BBOX1: variants seen among roughly 807,000 people sequenced by gnomAD.
The protein encoded by BBOX1 is gamma-butyrobetaine dioxygenase.
In BBOX1, 35 loss-of-function variants were observed where a neutral mutation model predicts 41.6. The observed-to-expected ratio is 0.84, with a 90% CI of 0.64 to 1.11. The LOEUF (loss-of-function observed/expected upper bound fraction) is 1.11, where lower values mean the gene tolerates loss of function less well. BBOX1 is among the 50% of genes most tolerant of loss of function. The pLI, the probability that BBOX1 is intolerant of heterozygous loss-of-function variation, is 0.00. For missense variants in BBOX1, 458 were observed against 460.6 expected (o/e 0.99, Z 0.05); for synonymous variants, 163 against 154.7 (o/e 1.05, Z -0.40).
In BBOX1 at chr11:27,093,187, A is replaced by T; in HGVS notation, c.354A>T (p.Ser118=). 6.2e-7 allele frequency: 1 copy of T among 1,612,234 alleles called. No individual in the cohort carries two copies. The highest frequency in any genetic ancestry group is 8.5e-7 in the Non-Finnish European group (1 of 1,178,826). The part of the protein sequence containing the change: ...LFFPECQYWG[S]ELQLPTLDFE... ...TCACAGAATGCCAATACTGGGGCTC[A>T]GAGCTCCAGCTACCCACTTTGGATT... The change falls in exon 5 of 9, where the codon TCA becomes TCT. Residue 118 remains serine (S), a synonymous_variant. Transcript: ENST00000263182.
intron 4 of BBOX1, among the ~76,000 whole-genome samples, chr11:27,067,828 A>G (rs1006918662): frequency 1.3e-5 from 2 of 152,104 alleles, no homozygotes; most frequent in African/African-American, 4.8e-5. Flanking sequence ...GAGGACATAC[A>G]GTATTTGGTT....
At chr11:27,048,749 C>CTTTTTTTTT (rs35376713) in intron 2 of BBOX1, among the ~76,000 whole-genome samples, 1 of 133,000 alleles carries the variant, frequency 7.5e-6, no homozygotes, top group African/African-American at 2.8e-5. Context: ...AATGGTAGTT[C>CTTTTTTTTT]TTTTTTTTTT....
At chr11:27,099,531 T>G (rs1207683012) in intron 5 of BBOX1, among the ~76,000 whole-genome samples, 1 of 151,986 alleles carries the variant, frequency 6.6e-6, no homozygotes, top group Non-Finnish European at 1.5e-5. Flanking sequence ...GGCCACAAGT[T>G]TATAGTAGAA....
At position 27,093,242 on chromosome 11, in the gene BBOX1, G is replaced by A. The variant is rs767052437; in HGVS notation, c.409G>A (p.Ala137Thr). ...FEDVLRYDEH[A>T]YKWLSTLKKV... ...AGATGTTTTAAGATATGATGAACAC[G>A]CATACAAGTGGCTCTCCACCCTCAA... The change falls in exon 5 of 9, where the codon GCA (alanine) becomes ACA (threonine). Residue 137 changes from alanine to threonine, a missense_variant. By Grantham distance (58) the Ala-to-Thr change is moderately conservative. Coordinates refer to ENST00000263182, the MANE Select transcript of BBOX1 (RefSeq NM_003986.3). 15 of 1,612,248 alleles carry A rather than the reference G, an allele frequency of 9.3e-6. No individual in the cohort carries two copies. The highest frequency in any genetic ancestry group is 5.5e-5 in the South Asian group (5 of 91,032).
chr11:27,094,617 A>G (rs985653143), intron 5 of BBOX1, among the ~76,000 whole-genome samples: 3 of 152,062 alleles, frequency 2.0e-5, no homozygotes, highest in Middle Eastern at 3.4e-3. Context: ...AGTTTGCCAG[A>G]ATCCTCCACG....
rs757850970 is a variant in BBOX1, at chr11:27,093,324, A to C, written c.491A>C (p.Lys164Thr). The change falls in exon 5 of 9, where the codon AAA becomes ACA. Residue 164 changes from lysine to threonine, a missense_variant. Transcript: ENST00000263182. Reference protein sequence around the residue: ...GASDKPGEVSKLGKRMGFLYL... With the variant: ...GASDKPGEVSTLGKRMGFLYL... ...TCTGACAAACCAGGAGAAGTTTCAAAACTTGGGAAAAGGATGGGTTTCCTC... is the reference window on the plus strand; with the variant it reads ...TCTGACAAACCAGGAGAAGTTTCAACACTTGGGAAAAGGATGGGTTTCCTC... 6.2e-7 allele frequency: 1 copy of C among 1,612,440 alleles called. No individual in the cohort carries two copies. Among genetic ancestry groups the C allele is most frequent in the South Asian group, 1.1e-5 (1 of 91,044 alleles).
In BBOX1 at chr11:27,093,234, A is replaced by C. The variant is rs1858314818; in HGVS notation, c.401A>C (p.Asp134Ala). Residue 134 changes from aspartate to alanine, a missense_variant, in exon 5 of 9, where the codon GAT becomes GCT. Asp to Ala is a moderately radical substitution (Grantham distance 126). Transcript: ENST00000263182. The part of the protein sequence containing the change: ...TLDFEDVLRY[D>A]EHAYKWLSTL... ...GATTTTGAAGATGTTTTAAGATATGATGAACACGCATACAAGTGGCTCTCC... is the reference window on the plus strand; with the variant it reads ...GATTTTGAAGATGTTTTAAGATATGCTGAACACGCATACAAGTGGCTCTCC... 1 of 1,612,498 alleles carries C rather than the reference A, an allele frequency of 6.2e-7. No homozygotes were observed. Among genetic ancestry groups the C allele is most frequent in the African/African-American group, 1.3e-5 (1 of 74,898 alleles).
chr11:27,124,833 T>C (rs991874123), intron 7 of BBOX1, among the ~76,000 whole-genome samples: 2 of 152,200 alleles, frequency 1.3e-5, no homozygotes, highest in Non-Finnish European at 2.9e-5. Flanking sequence ...CTTCTTTCTT[T>C]ATATTAAATG....
intron 4 of BBOX1, among the ~76,000 whole-genome samples, chr11:27,090,327 A>G (rs1858199251): frequency 6.6e-6 from 1 of 151,980 alleles, no homozygotes; most frequent in African/African-American, 2.4e-5. Context: ...TGGGGGTGAC[A>G]TCGCATATCA....
rs1859712701 is a variant in BBOX1, at chr11:27,127,573, A to T, written c.*120A>T. 15 of 1,145,230 alleles carry T rather than the reference A, an allele frequency of 1.3e-5. No homozygotes were observed. The highest frequency in any genetic ancestry group is 1.7e-5 in the Non-Finnish European group (14 of 822,806). 70.9% of individuals were successfully genotyped at this position (1,145,230 alleles called of 1,614,324 possible). A position where few individuals can be genotyped will look rare whatever the true frequency, so the allele number is the denominator to read the frequency against. On this transcript the variant is annotated 3_prime_UTR_variant, in exon 9 of 9. Coordinates refer to ENST00000263182, the MANE Select transcript of BBOX1 (RefSeq NM_003986.3). ...TAATTTCCTTAACAATGAACATGTA[A>T]CTTCTCTCACAAGAGTACTCTTTAC...
At chr11:27,073,336 G>A (rs1212132877) in intron 4 of BBOX1, among the ~76,000 whole-genome samples, 1 of 152,178 alleles carries the variant, frequency 6.6e-6, no homozygotes, top group East Asian at 1.9e-4. Flanking sequence ...GGCCATCAGA[G>A]AAATGCAAAT....
At chr11:27,091,726 C>A (rs191200412) in intron 4 of BBOX1, among the ~76,000 whole-genome samples, 97 of 152,042 alleles carry the variant, frequency 6.4e-4, no homozygotes, top group African/African-American at 2.2e-3. Context: ...GATTCAGAAC[C>A]AGTGGCTGGA....
intron 5 of BBOX1, among the ~76,000 whole-genome samples, chr11:27,093,929 T>C (rs1053741608): frequency 6.6e-6 from 1 of 152,058 alleles, no homozygotes; most frequent in East Asian, 1.9e-4. Flanking sequence ...TGGGGGGACA[T>C]AATTTATTCC....
chr11:27,089,424 C>T (rs1454180830), intron 4 of BBOX1, among the ~76,000 whole-genome samples: 2 of 151,910 alleles, frequency 1.3e-5, no homozygotes, highest in African/African-American at 4.8e-5. Flanking sequence ...AATAAATGCT[C>T]ATATATAAAT....
intron 8 of BBOX1, among the ~76,000 whole-genome samples, chr11:27,126,055 C>T (rs552909342): frequency 6.6e-6 from 1 of 152,290 alleles, no homozygotes; most frequent in South Asian, 2.1e-4. Flanking sequence ...CTTACTCTAA[C>T]ACACACAAGT....
At chr11:27,099,104 T>C (rs531738661) in intron 5 of BBOX1, among the ~76,000 whole-genome samples, 8 of 151,864 alleles carry the variant, frequency 5.3e-5, no homozygotes, top group Admixed American at 2.0e-4. Flanking sequence ...TTTGACAACA[T>C]TGTCAAAATT....
chr11:27,057,063 T>TAAAAAAAAAAAAAAAAAAAAA lies in BBOX1; in HGVS notation c.220-138_220-137insAAAAAAAAAAAAAAAAAAAAA, dbSNP rs1459422645. 914 of 149,286 alleles carry TAAAAAAAAAAAAAAAAAAAAA rather than the reference T, an allele frequency of 6.1e-3. 314 individuals are homozygous for TAAAAAAAAAAAAAAAAAAAAA. The highest frequency in any genetic ancestry group is 0.013 in the Admixed American group (71 of 5,270). The allele number at this position is 149,286 out of a possible 1,614,324, so 9.2% of individuals were successfully genotyped here. A position where few individuals can be genotyped will look rare whatever the true frequency, so the allele number is the denominator to read the frequency against. On this transcript the variant is annotated intron_variant, in intron 3 of 8. Coordinates refer to ENST00000263182, the MANE Select transcript of BBOX1 (RefSeq NM_003986.3). ...CCTGGCAACAGAGGAAGACTCCGAC[T>TAAAAAAAAAAAAAAAAAAAAA]TAAAAAAAAAAAAAAAAAAAAATTA...
At chr11:27,102,362 T>C (rs983213077) in intron 5 of BBOX1, among the ~76,000 whole-genome samples, 1 of 152,052 alleles carries the variant, frequency 6.6e-6, no homozygotes, top group African/African-American at 2.4e-5. Flanking sequence ...AATAAATGTA[T>C]AGCTTAATGA....
At chr11:27,042,540 G>T (rs1308527412) in intron 2 of BBOX1, among the ~76,000 whole-genome samples, 1 of 151,974 alleles carries the variant, frequency 6.6e-6, no homozygotes, top group Admixed American at 6.6e-5. Flanking sequence ...TAGATATGGG[G>T]GTCTCACTAT....
Sources: allele counts gnomAD v4.1 joint callset (sites outside exome capture counted in the v4.1 genomes callset), GRCh38; gene constraint gnomAD v4.1.1; transcripts MANE v1.5; gene names NCBI Gene and HGNC (gene_info 2026-07-23, HGNC 2026-07-21).